Variants in AR observed in about 807,000 individuals in gnomAD.
AR encodes dihydrotestosterone receptor.
AR carries 8 observed loss-of-function variants against 53.9 expected under a neutral mutation model. The ratio of observed to expected loss-of-function variants is 0.15; its 90% CI spans 0.09 to 0.27. The LOEUF is 0.27. AR is among the 10% of genes least tolerant of loss of function. The pLI, the probability that AR is intolerant of heterozygous loss-of-function variation, is 1.00. For missense variants in AR, 639 were observed against 742.5 expected (o/e 0.86, Z 1.62); for synonymous variants, 359 against 316.4 (o/e 1.13, Z -1.43).
chrX:67,597,219 G>A (rs1219593387), intron 1 of AR, among the ~76,000 whole-genome samples: 1 of 112,016 alleles, frequency 8.9e-6, no homozygotes, highest in African/African-American at 3.2e-5. Context: ...TAGTGCAAAA[G>A]CAGCTATACA....
At chrX:67,604,551 G>C (rs1457079779) in intron 1 of AR, among the ~76,000 whole-genome samples, 1 of 110,921 alleles carries the variant, frequency 9.0e-6, no homozygotes, top group Non-Finnish European at 1.9e-5. Context: ...GAAATGTGTA[G>C]CATTTATAGG....
chrX:67,590,523 G>T (rs753070359), intron 1 of AR, among the ~76,000 whole-genome samples: 2 of 112,094 alleles, frequency 1.8e-5, no homozygotes, highest in African/African-American at 3.2e-5. Flanking sequence ...AGAGAATTAA[G>T]TAATATGAGG....
At chrX:67,669,017 C>G (rs190677888) in intron 2 of AR, among the ~76,000 whole-genome samples, 2 of 111,163 alleles carry the variant, frequency 1.8e-5, no homozygotes, top group African/African-American at 6.5e-5. Flanking sequence ...TTTCACTGAT[C>G]TTTTGTATTA....
intron 1 of AR, among the ~76,000 whole-genome samples, chrX:67,560,636 T>G (rs1207021875): frequency 2.7e-5 from 3 of 111,871 alleles, no homozygotes; most frequent in Non-Finnish European, 5.6e-5. Context: ...CCTTTTATGA[T>G]CTGCTTATTT....
intron 1 of AR, among the ~76,000 whole-genome samples, chrX:67,576,153 G>T (rs1454019868): frequency 1.8e-5 from 2 of 111,063 alleles, no homozygotes; most frequent in Non-Finnish European, 3.8e-5. Context: ...AAAGATACAT[G>T]GGTGTGCTTC....
At position 67,729,021 on chromosome X, in the gene AR, G is replaced by C. The variant is rs771904296; in HGVS notation, c.*5180G>C. 1 of 173,323 alleles carries C rather than the reference G, an allele frequency of 5.8e-6. No homozygotes were observed. The highest frequency in any genetic ancestry group is 3.0e-5 in the African/African-American group (1 of 33,830). The allele number at this position is 173,323 out of a possible 1,213,427, so 14.3% of individuals were successfully genotyped here. A position where few individuals can be genotyped will look rare whatever the true frequency, so the allele number is the denominator to read the frequency against. Reference sequence around the variant, plus strand: ...TGTTGGAAGAAGAGAACTGTTCCTTGGTCTTCACCATCCTTGTGAGAGAAG... The same window carrying C: ...TGTTGGAAGAAGAGAACTGTTCCTTCGTCTTCACCATCCTTGTGAGAGAAG... On this transcript the variant is annotated 3_prime_UTR_variant, in exon 8 of 8. Coordinates refer to ENST00000374690, the MANE Select transcript of AR (RefSeq NM_000044.6).
chrX:67,643,441 T>C, intron 2 of AR, 34 bp downstream of exon 2: 1 of 1,188,125 alleles, frequency 8.4e-7, no homozygotes, highest in South Asian at 1.8e-5. Flanking sequence ...TCTCTTTCCC[T>C]TTCTCCTTTA....
intron 1 of AR, among the ~76,000 whole-genome samples, chrX:67,624,657 A>G (rs1333469772): frequency 9.1e-6 from 1 of 110,311 alleles, no homozygotes; most frequent in Non-Finnish European, 1.9e-5. Context: ...GCAACAAATA[A>G]AAAGGGTTAT....
intron 6 of AR, 65 bp from the exon 7 acceptor site, chrX:67,722,762 T>C (rs1569315984): frequency 8.5e-7 from 1 of 1,173,704 alleles, no homozygotes; most frequent in Non-Finnish European, 1.2e-6. Flanking sequence ...GAAAACTTGG[T>C]GCTTTGTCTA....
chrX:67,585,856 C>T (rs1922516605), intron 1 of AR, among the ~76,000 whole-genome samples: 1 of 112,113 alleles, frequency 8.9e-6, no homozygotes, highest in Admixed American at 9.4e-5. Flanking sequence ...TGGATGACAA[C>T]AGACACTATA....
At chrX:67,554,795 G>T (rs1007835859) in intron 1 of AR, among the ~76,000 whole-genome samples, 1 of 109,108 alleles carries the variant, frequency 9.2e-6, no homozygotes, top group African/African-American at 3.4e-5. Context: ...AATTATCCAG[G>T]CGTTTTGGTG....
chrX:67,621,353 TTTTG>T (rs888573710), intron 1 of AR, among the ~76,000 whole-genome samples: 1 of 111,496 alleles, frequency 9.0e-6, no homozygotes, highest in Non-Finnish European at 1.9e-5. Context: ...TTGTTGTTGT[TTTTG>T]TTTGTTTGTT....
rs749647553 is a variant in AR, at chrX:67,617,088, A to G, written c.1617-26168A>G. Among the ~76,000 whole-genome samples, 305 of 111,993 alleles carry G rather than the reference A, an allele frequency of 2.7e-3. 1 individual carries two copies. The highest frequency in any genetic ancestry group is 4.7e-3 in the Middle Eastern group (1 of 211). On this transcript the variant is annotated intron_variant, in intron 1 of 7. Coordinates refer to ENST00000374690, the MANE Select transcript of AR (RefSeq NM_000044.6). ...TATTCAGAAGTTGTGGTGTGTAGGT[A>G]TATAAGCCAAGCTCTTTTCTTCACT...
chrX:67,649,848 T>C (rs762208908), intron 2 of AR, among the ~76,000 whole-genome samples: 1 of 112,543 alleles, frequency 8.9e-6, no homozygotes, highest in East Asian at 2.8e-4. Flanking sequence ...CTGATGATAG[T>C]TTCTTTTGCT....
chrX:67,608,594 T>A (rs1320138488), intron 1 of AR, among the ~76,000 whole-genome samples: 1 of 112,048 alleles, frequency 8.9e-6, no homozygotes, highest in African/African-American at 3.2e-5. Flanking sequence ...TAAAGCATAT[T>A]TGAAAAATTT....
At chrX:67,624,827 C>G (rs1242590917) in intron 1 of AR, among the ~76,000 whole-genome samples, 1 of 90,632 alleles carries the variant, frequency 1.1e-5, no homozygotes, top group Non-Finnish European at 2.1e-5. Context: ...CTTGTAAGAT[C>G]AGGAACAAGA....
In AR at chrX:67,729,976, C is replaced by A. The variant is rs1018465950; in HGVS notation, c.*6135C>A. 1.5e-4 allele frequency: 26 copies of A among 169,135 alleles called. No homozygotes were observed. The highest frequency in any genetic ancestry group is 2.3e-4 in the Non-Finnish European group (21 of 89,855). The allele number at this position is 169,135 out of a possible 1,213,427, so 13.9% of individuals were successfully genotyped here. On this transcript the variant is annotated 3_prime_UTR_variant, in exon 8 of 8. Coordinates refer to ENST00000374690, the MANE Select transcript of AR (RefSeq NM_000044.6). Reference sequence around the variant, plus strand: ...CAGCAGCCACCATCAGAATGACCCACGCAAAAAAAAGAAAAAAAAAATTAA... The same window carrying A: ...CAGCAGCCACCATCAGAATGACCCAAGCAAAAAAAAGAAAAAAAAAATTAA...
chrX:67,582,118 A>G (rs1488473922), intron 1 of AR, among the ~76,000 whole-genome samples: 3 of 112,287 alleles, frequency 2.7e-5, no homozygotes, highest in African/African-American at 9.7e-5. Context: ...TTTTAGTATC[A>G]TATCTATTTT....
At chrX:67,554,885 G>A (rs1453704662) in intron 1 of AR, among the ~76,000 whole-genome samples, 6 of 102,897 alleles carry the variant, frequency 5.8e-5, no homozygotes, top group Non-Finnish European at 1.2e-4. Flanking sequence ...GCAGTGAGCC[G>A]AGATCATGCC....
Sources: gnomAD v4.1 joint callset for allele counts (sites outside exome capture counted in the v4.1 genomes callset) on GRCh38, gnomAD v4.1.1 for gene constraint, MANE v1.5 for transcripts, NCBI Gene and HGNC (gene_info 2026-07-23, HGNC 2026-07-21) for gene names.